PLEKHG4B: variants seen among roughly 807,000 people sequenced by gnomAD.
The protein encoded by PLEKHG4B is pleckstrin homology domain-containing family G member 4B.
In PLEKHG4B, 111 loss-of-function variants were observed where a neutral mutation model predicts 121.3. The ratio of observed to expected loss-of-function variants is 0.92; its 90% CI spans 0.78 to 1.07. PLEKHG4B has a LOEUF of 1.07. Ranked by LOEUF, PLEKHG4B falls within the 50% of genes least tolerant of loss-of-function variation. PLEKHG4B has a pLI of 0.00. For synonymous variants in PLEKHG4B, 738 were observed against 725.0 expected (o/e 1.02, Z -0.29); for missense variants, 1,831 against 1,757.8 (o/e 1.04, Z -0.74).
At chr5:145,505 C>T (rs1011070295) in intron 6 of PLEKHG4B, among the ~76,000 whole-genome samples, 6 of 152,242 alleles carry the variant, frequency 3.9e-5, no homozygotes, top group East Asian at 1.9e-4. Context: ...GGACTACAGG[C>T]GCATGCCACC....
At chr5:144,958 C>G (rs754513050) in intron 6 of PLEKHG4B, 38 bp downstream of exon 6, 3 of 1,566,034 alleles carry the variant, frequency 1.9e-6, no homozygotes, top group Non-Finnish European at 1.8e-6. Context: ...GTGTGCAGAG[C>G]ATCGTAGGGC....
rs544476800 is a variant in PLEKHG4B at position 142,432 on chromosome 5, G to A, written c.1478-615G>A. 6.7e-5 allele frequency among the ~76,000 whole-genome samples: 10 copies of A among 148,712 alleles called. No individual in the cohort carries two copies. In the East Asian group the frequency reaches 1.6e-3, roughly 23 times the overall value. On this transcript the variant is annotated intron_variant, in intron 3 of 19. Coordinates refer to ENST00000637938, the MANE Select transcript of PLEKHG4B (RefSeq NM_052909.5). ...CACATGCCTCACACGATACACGCGC[G>A]CACAGTCACCAGTCACATGCTTCAC... is the stretch of plus-strand genomic sequence containing the variant.
At chr5:142,737 G>T (rs906417306) in intron 3 of PLEKHG4B, among the ~76,000 whole-genome samples, 1 of 152,204 alleles carries the variant, frequency 6.6e-6, no homozygotes, top group African/African-American at 2.4e-5. Flanking sequence ...ATGCAGTCAC[G>T]CATGCTGCAC....
At chr5:158,111 G>A (rs983654053) in intron 11 of PLEKHG4B, among the ~76,000 whole-genome samples, 2 of 152,112 alleles carry the variant, frequency 1.3e-5, no homozygotes, top group African/African-American at 4.8e-5. Context: ...AGCCAGTCCG[G>A]GCTGTCTCCA....
rs1735847591 is a variant in PLEKHG4B at position 157,962 on chromosome 5, G to A, written c.2487+1051G>A. The stretch of plus-strand genomic sequence containing the variant: ...CAAAGACGTGCAGCAGGGACGCGAG[G>A]CACTGTGCATGCTCCTGGCCTCCCC... On this transcript the variant is annotated intron_variant, in intron 11 of 19. Transcript: ENST00000637938. The surrounding 1 kb of genome is among the most constrained non-coding windows in gnomAD (Gnocchi z 4.6). Among the ~76,000 whole-genome samples the A allele has an allele frequency of 6.6e-6, 1 of 152,132 alleles. No individual in the cohort carries two copies. The highest frequency in any genetic ancestry group is 2.1e-4 in the South Asian group (1 of 4,832).
In PLEKHG4B at chr5:157,872, C is replaced by T. The variant is rs1363846324; in HGVS notation, c.2487+961C>T. 6.6e-6 allele frequency among the ~76,000 whole-genome samples: 1 copy of T among 152,198 alleles called. No individual in the cohort carries two copies. Among genetic ancestry groups the T allele is most frequent in the African/African-American group, 2.4e-5 (1 of 41,434 alleles). On this transcript the variant is annotated intron_variant, in intron 11 of 19. Coordinates refer to ENST00000637938, the MANE Select transcript of PLEKHG4B (RefSeq NM_052909.5). The surrounding 1 kb of genome is among the most constrained non-coding windows in gnomAD (Gnocchi z 4.6). The stretch of plus-strand genomic sequence containing the variant: ...TGGGGTGGAGGCATCCCCAGCCCTC[C>T]TGTCTGCTGGCAAAGCTCCCCCGGC...
chr5:174,019 A>G lies in PLEKHG4B; in HGVS notation c.4323A>G (p.Gln1441=), dbSNP rs1226130626. The G allele has an allele frequency of 5.6e-6, 9 of 1,608,690 alleles. No homozygotes were observed. The highest frequency in any genetic ancestry group is 2.2e-5 in the East Asian group (1 of 44,698). The stretch of plus-strand genomic sequence containing the variant: ...AATCTCAGGACACCTACATTCTCCA[A>G]GCAAGCTCGGCAGAGGTCAAGAGTG... ...RRKSQDTYIL[Q]ASSAEVKSAW... Residue 1441 remains glutamine, a synonymous_variant, in exon 18 of 20, where the codon CAA becomes CAG. Coordinates refer to ENST00000637938, the MANE Select transcript of PLEKHG4B (RefSeq NM_052909.5).
chr5:155,539 A>G, intron 9 of PLEKHG4B, 96 bp downstream of exon 9: 1 of 934,744 alleles, frequency 1.1e-6, no homozygotes, highest in South Asian at 1.3e-5. Context: ...TTGGTTCACT[A>G]TCATCTGTAG....
rs912278137 is a variant in PLEKHG4B, at chr5:185,414, C to T, written c.*3091C>T. 6.6e-6 allele frequency: 1 copy of T among 152,264 alleles called. No individual in the cohort carries two copies. Among genetic ancestry groups the T allele is most frequent in the Non-Finnish European group, 1.5e-5 (1 of 68,062 alleles). The allele number at this position is 152,264 out of a possible 1,614,324, so 9.4% of individuals were successfully genotyped here. A position where few individuals can be genotyped will look rare whatever the true frequency, so the allele number is the denominator to read the frequency against. On this transcript the variant is annotated 3_prime_UTR_variant, in exon 20 of 20. Coordinates refer to ENST00000637938, the MANE Select transcript of PLEKHG4B (RefSeq NM_052909.5). ...AAGCAGTATTTTTTTAAAGTACAAT[C>T]ATGCACACAGCACTTCCCCTGGGAG...
At chr5:125,280 C>A (rs1460144942) in intron 2 of PLEKHG4B, among the ~76,000 whole-genome samples, 1 of 152,044 alleles carries the variant, frequency 6.6e-6, no homozygotes, top group Non-Finnish European at 1.5e-5. Context: ...GCATTACTGT[C>A]TTCTTCAGTG....
intron 2 of PLEKHG4B, among the ~76,000 whole-genome samples, chr5:134,080 T>TATATATATGATAGA (rs1734867373): frequency 3.6e-4 from 8 of 22,082 alleles, no homozygotes; most frequent in African/African-American, 3.2e-3. Flanking sequence ...TGATAGAATA[T>TATATATATGATAGA]ATATATATAT....
rs1419606480 is a variant in PLEKHG4B, at chr5:113,002, C to T, written c.46-249C>T. Among the ~76,000 whole-genome samples, 1 of 152,162 alleles carries T rather than the reference C, an allele frequency of 6.6e-6. No homozygotes were observed. Among genetic ancestry groups the T allele is most frequent in the Non-Finnish European group, 1.5e-5 (1 of 68,018 alleles). Reference sequence around the variant, plus strand: ...GAGGTGGTATATAGAGCCCCTGCCCCAGGACAGGGCCACGGGTCTGCCTAA... The same window carrying T: ...GAGGTGGTATATAGAGCCCCTGCCCTAGGACAGGGCCACGGGTCTGCCTAA... On this transcript the variant is annotated intron_variant, in intron 1 of 19. Transcript: ENST00000637938. This position sits in a 1 kb window ranked among gnomAD's most constrained non-coding sequence, Gnocchi z 5.2.
chr5:158,359 T>G (rs1735867679), intron 11 of PLEKHG4B, among the ~76,000 whole-genome samples: 1 of 122,038 alleles, frequency 8.2e-6, no homozygotes, highest in Admixed American at 8.1e-5. Flanking sequence ...TCTCCTGTCC[T>G]CCCTCTGCCC....
At chr5:135,704 T>TAC (rs1734961709) in intron 2 of PLEKHG4B, among the ~76,000 whole-genome samples, 1 of 91,438 alleles carries the variant, frequency 1.1e-5, no homozygotes, top group African/African-American at 5.5e-5. Flanking sequence ...TATATATATA[T>TAC]ATATATATAT....
chr5:131,623 A>ATCCC (rs1434416827), intron 2 of PLEKHG4B, among the ~76,000 whole-genome samples: 1 of 152,362 alleles, frequency 6.6e-6, no homozygotes, highest in Non-Finnish European at 1.5e-5. Flanking sequence ...CTTTGGGTAT[A>ATCCC]TACCCAGTAA....
rs570763117 is a variant in PLEKHG4B, at chr5:105,241, G to A, written c.46-8010G>A. 2.2e-4 allele frequency among the ~76,000 whole-genome samples: 34 copies of A among 152,144 alleles called. No homozygotes were observed. In the South Asian group the frequency reaches 3.5e-3, roughly 16 times the overall value. On this transcript the variant is annotated intron_variant, in intron 1 of 19. Coordinates refer to ENST00000637938, the MANE Select transcript of PLEKHG4B (RefSeq NM_052909.5). The stretch of plus-strand genomic sequence containing the variant: ...AGACTTCTCCATGAGGCTGATTCCC[G>A]TCATGGCTGTGGATTCACAGCTGTG...
intron 1 of PLEKHG4B, among the ~76,000 whole-genome samples, chr5:104,579 T>C (rs760537174): frequency 1.3e-5 from 2 of 152,222 alleles, no homozygotes; most frequent in Non-Finnish European, 2.9e-5. Context: ...ATAATAAAGC[T>C]GATTTTTTTT....
At chr5:150,495 A>T (rs1256134107) in intron 6 of PLEKHG4B, among the ~76,000 whole-genome samples, 3 of 152,192 alleles carry the variant, frequency 2.0e-5, no homozygotes, top group Non-Finnish European at 4.4e-5. Flanking sequence ...AAAAATGATG[A>T]TGATAGTGTT....
chr5:177,716 G>C (rs918305777), intron 18 of PLEKHG4B, among the ~76,000 whole-genome samples: 1 of 152,242 alleles, frequency 6.6e-6, no homozygotes, highest in African/African-American at 2.4e-5. Context: ...CACCGAGATC[G>C]AGTGCCCCAT....
Sources: gnomAD v4.1 joint callset for allele counts (sites outside exome capture counted in the v4.1 genomes callset) on GRCh38, gnomAD v4.1.1 for gene constraint, Gnocchi (gnomAD v3.1) non-coding constraint, MANE v1.5 for transcripts, NCBI Gene and HGNC (gene_info 2026-07-23, HGNC 2026-07-21) for gene names.